Variants in RAB11FIP3 observed in about 807,000 individuals in gnomAD.
The protein encoded by RAB11FIP3 is rab11 family-interacting protein 3.
Under a neutral mutation model 77.8 loss-of-function variants are expected in RAB11FIP3, and 17 were observed. The ratio of observed to expected loss-of-function variants is 0.22; its 90% CI spans 0.15 to 0.33. The LOEUF is 0.33. RAB11FIP3 is among the 10% of genes least tolerant of loss of function. RAB11FIP3 has a pLI of 1.00. For missense variants in RAB11FIP3, 1,005 were observed against 1,011.2 expected (o/e 0.99, Z 0.08); for synonymous variants, 437 against 448.2 (o/e 0.98, Z 0.31).
chr16:485,086 T>C (rs563411236), intron 4 of RAB11FIP3, among the ~76,000 whole-genome samples: 1 of 152,200 alleles, frequency 6.6e-6, no homozygotes, highest in South Asian at 2.1e-4. Flanking sequence ...TGCTCACTGC[T>C]TGCGGGAGGG....
chr16:444,486 C>T (rs577079144), intron 1 of RAB11FIP3, among the ~76,000 whole-genome samples: 1 of 152,306 alleles, frequency 6.6e-6, no homozygotes, highest in East Asian at 1.9e-4. Context: ...AATAAAGCTG[C>T]AGTTACTTCA....
intron 10 of RAB11FIP3, 120 bp downstream of exon 10, chr16:519,144 C>T (rs1168273604): frequency 2.0e-5 from 22 of 1,092,658 alleles, no homozygotes; most frequent in Middle Eastern, 4.9e-4. Context: ...TGTGAGGGAA[C>T]GGGGCCAGCT....
At position 426,582 on chromosome 16, in the gene RAB11FIP3, C is replaced by A. The variant is rs529816965; in HGVS notation, c.576C>A (p.Pro192=). 14 of 1,598,024 alleles carry A rather than the reference C, an allele frequency of 8.8e-6. No individual in the cohort carries two copies. The highest frequency in any genetic ancestry group is 1.2e-5 in the Non-Finnish European group (14 of 1,173,694). The part of the protein sequence containing the change: ...PQPSDLSQTH[P]LPSEPVGSQE... ...CCTCGGACCTCAGCCAGACCCACCCCCTTCCGAGCGAGCCCGTGGGGAGTC... is the reference window on the plus strand; with the variant it reads ...CCTCGGACCTCAGCCAGACCCACCCACTTCCGAGCGAGCCCGTGGGGAGTC... The change falls in exon 1 of 14, where the codon CCC becomes CCA. Residue 192 remains proline, a synonymous_variant. Coordinates refer to ENST00000262305, the MANE Select transcript of RAB11FIP3 (RefSeq NM_014700.4). The surrounding 1 kb of genome is among the most constrained non-coding windows in gnomAD (Gnocchi z 5.0).
chr16:466,522 C>T (rs778661090), intron 2 of RAB11FIP3, among the ~76,000 whole-genome samples: 5 of 152,150 alleles, frequency 3.3e-5, no homozygotes, highest in African/African-American at 4.8e-5. Context: ...GCCCACCAAG[C>T]AAAATGAAGC....
chr16:502,711 C>G (rs1429577397), intron 6 of RAB11FIP3: 1 of 492,098 alleles, frequency 2.0e-6, no homozygotes, highest in African/African-American at 2.0e-5. Flanking sequence ...CTCTGCCACT[C>G]GCTGGCTGGG....
At chr16:449,999 G>A (rs73494378) in intron 1 of RAB11FIP3, among the ~76,000 whole-genome samples, 3,605 of 152,174 alleles carry the variant, frequency 0.024, 121 homozygotes, top group African/African-American at 0.074. Flanking sequence ...CACAGTGACT[G>A]TGCCACCACA....
intron 2 of RAB11FIP3, among the ~76,000 whole-genome samples, chr16:467,938 A>G (rs371358338): frequency 2.3e-4 from 3 of 13,088 alleles, no homozygotes; most frequent in Admixed American, 9.4e-4. Flanking sequence ...GAGGAGGTGC[A>G]GGGGCGTCAG....
intron 1 of RAB11FIP3, chr16:453,602 T>TTTTTTTTTTG (rs2055446966): frequency 6.6e-6 from 1 of 151,190 alleles, no homozygotes; most frequent in African/African-American, 2.4e-5. Flanking sequence ...TTTTTTTTTT[T>TTTTTTTTTTG]TTTTTGAAGC....
chr16:461,833 G>A lies in RAB11FIP3; in HGVS notation c.808+336G>A, dbSNP rs2055611821. The stretch of plus-strand genomic sequence containing the variant: ...ACCCAAGTGGGTGTTCATCACCCGT[G>A]CTCTGCAGGCAGCACTTCGTCGCAC... On this transcript the variant is annotated intron_variant, in intron 2 of 13. Coordinates refer to ENST00000262305, the MANE Select transcript of RAB11FIP3 (RefSeq NM_014700.4). This position sits in a 1 kb window ranked among gnomAD's most constrained non-coding sequence, Gnocchi z 4.5. 6.6e-6 allele frequency among the ~76,000 whole-genome samples: 1 copy of A among 152,132 alleles called. No individual in the cohort carries two copies. Among genetic ancestry groups the A allele is most frequent in the African/African-American group, 2.4e-5 (1 of 41,444 alleles).
intron 2 of RAB11FIP3, among the ~76,000 whole-genome samples, chr16:468,562 G>A (rs1032668991): frequency 1.3e-5 from 2 of 152,090 alleles, no homozygotes; most frequent in Non-Finnish European, 2.9e-5. Flanking sequence ...CGTGGCTGCA[G>A]CAGCCTGTGT....
At chr16:436,208 T>TTG (rs755932194) in intron 1 of RAB11FIP3, among the ~76,000 whole-genome samples, 1 of 151,914 alleles carries the variant, frequency 6.6e-6, no homozygotes, top group Non-Finnish European at 1.5e-5. Context: ...TACTCGGGGG[T>TTG]TGAGGCAGGA....
In RAB11FIP3 at chr16:436,750, A is replaced by G. The variant is rs142597217; in HGVS notation, c.714+10030A>G. Among the ~76,000 whole-genome samples the G allele has an allele frequency of 6.0e-3, 917 of 152,224 alleles. 13 individuals are homozygous for G. The highest frequency in any genetic ancestry group is 0.021 in the African/African-American group (868 of 41,530). On this transcript the variant is annotated intron_variant, in intron 1 of 13. Coordinates refer to ENST00000262305, the MANE Select transcript of RAB11FIP3 (RefSeq NM_014700.4). ...GTCCGAAAGTGCTGGGATTACAGAT[A>G]TGAGCTACCGCGCCCAGCCTTATTT...
intron 4 of RAB11FIP3, among the ~76,000 whole-genome samples, chr16:485,570 G>A (rs568115488): frequency 5.9e-5 from 9 of 152,006 alleles, no homozygotes; most frequent in Admixed American, 2.0e-4. Context: ...CTGCCATGGC[G>A]CCCAGCTAAT....
intron 9 of RAB11FIP3, among the ~76,000 whole-genome samples, chr16:518,557 T>TC (rs1398358985): frequency 6.7e-6 from 1 of 149,860 alleles, no homozygotes; most frequent in Non-Finnish European, 1.5e-5. Context: ...AAACCCCCTC[T>TC]CTACTGAAAT....
intron 6 of RAB11FIP3, among the ~76,000 whole-genome samples, chr16:497,972 A>G (rs563942125): frequency 7.0e-6 from 1 of 142,488 alleles, no homozygotes; most frequent in South Asian, 2.2e-4. Flanking sequence ...ATTAAAAATT[A>G]AAAAAAAAAA....
At chr16:467,548 CTCAGGGAGGAGGTGCTGGGACG>C (rs1567373782) in intron 2 of RAB11FIP3, among the ~76,000 whole-genome samples, 47 of 45,116 alleles carry the variant, frequency 1.0e-3, no homozygotes, top group Non-Finnish European at 1.5e-3. Flanking sequence ...GTGCAGGGGC[CTCAGGGAGGAGGTGCTGGGACG>C]TCAGGGAGGA....
intron 1 of RAB11FIP3, among the ~76,000 whole-genome samples, chr16:438,228 C>G (rs948665534): frequency 6.6e-6 from 1 of 151,808 alleles, no homozygotes; most frequent in Non-Finnish European, 1.5e-5. Context: ...CTGCCTTAGC[C>G]TCCTGAGTAG....
chr16:434,574 G>A (rs1270543969), intron 1 of RAB11FIP3, among the ~76,000 whole-genome samples: 3 of 152,048 alleles, frequency 2.0e-5, no homozygotes, highest in Non-Finnish European at 2.9e-5. Flanking sequence ...CTACAGGTAC[G>A]TGTTACCACA....
Position 520,640 on chromosome 16 carries a change from C to T in RAB11FIP3, c.2157+41C>T, listed in dbSNP as rs373224466. 51 of 1,610,638 alleles carry T rather than the reference C, an allele frequency of 3.2e-5. No homozygotes were observed. The East Asian group carries it at 5.1e-4, about 16-fold the overall frequency. On this transcript the variant is annotated intron_variant, in intron 13 of 13. Transcript: ENST00000262305. ...TCTGCACGGTGTGGCCTGGGGTCCA[C>T]AGTCTGCACTGTCTGTGCGCTGTGG...
Sources: gnomAD v4.1 joint callset for allele counts (sites outside exome capture counted in the v4.1 genomes callset) on GRCh38, gnomAD v4.1.1 for gene constraint, Gnocchi (gnomAD v3.1) non-coding constraint, MANE v1.5 for transcripts, NCBI Gene and HGNC (gene_info 2026-07-23, HGNC 2026-07-21) for gene names.